ISM1: variants seen among roughly 807,000 people sequenced by gnomAD.
ISM1 encodes the protein isthmin 1.
In ISM1, 25 loss-of-function variants were observed where a neutral mutation model predicts 46.3. The observed-to-expected ratio is 0.54, with a 90% CI of 0.39 to 0.75. ISM1 has a LOEUF of 0.75. Among genes scored for constraint, ISM1 ranks in the 30% least tolerant of loss-of-function variants. The pLI is 0.00. For missense variants in ISM1, 536 were observed against 625.4 expected (o/e 0.86, Z 1.52); for synonymous variants, 255 against 256.7 (o/e 0.99, Z 0.06).
chr20:13,279,369 C>G (rs1413345675), intron 2 of ISM1, among the ~76,000 whole-genome samples: 2 of 152,146 alleles, frequency 1.3e-5, no homozygotes, highest in Non-Finnish European at 2.9e-5. Flanking sequence ...TTGTTTCCAG[C>G]TATTAAGTTT....
intron 1 of ISM1, chr20:13,239,790 C>A (rs2039696891): frequency 6.6e-6 from 1 of 152,166 alleles, no homozygotes; most frequent in Admixed American, 6.5e-5. Context: ...AATCTAAAAC[C>A]TGGAGAAATT....
chr20:13,226,168 C>T (rs906892373), intron 1 of ISM1, among the ~76,000 whole-genome samples: 2 of 143,692 alleles, frequency 1.4e-5, no homozygotes, highest in African/African-American at 5.2e-5. Context: ...TGTCTTTGTT[C>T]TCTGTTTCCT....
chr20:13,273,544 A>T (rs1319421759), intron 2 of ISM1, among the ~76,000 whole-genome samples: 3 of 152,160 alleles, frequency 2.0e-5, no homozygotes, highest in African/African-American at 7.2e-5. Context: ...CCTGTCTTTT[A>T]AAAATATTAC....
At chr20:13,315,544 C>T in the ISM1 span, among the ~76,000 whole-genome samples, 3 of 151,952 alleles carry the variant, frequency 2.0e-5, no homozygotes, top group Non-Finnish European at 2.9e-5. Flanking sequence ...GAGAAAGAAA[C>T]TAATAGACTG....
intron 1 of ISM1, among the ~76,000 whole-genome samples, chr20:13,257,643 A>G (rs890079964): frequency 4.6e-5 from 7 of 152,128 alleles, no homozygotes; most frequent in African/African-American, 1.4e-4. Context: ...GATTAACCCT[A>G]AAAAGTCATT....
rs199857179 is a variant in ISM1, at chr20:13,246,937, A to AAT, written c.139-23558_139-23557dup. Among the ~76,000 whole-genome samples, 583 of 151,600 alleles carry AAT rather than the reference A, an allele frequency of 3.8e-3. 5 individuals are homozygous for AAT. The highest frequency in any genetic ancestry group is 0.017 in the Middle Eastern group (5 of 294). On this transcript the variant is annotated intron_variant, in intron 1 of 5. Transcript: ENST00000262487. ...GAAGGGAGCAAGACAGAGATTTAAA[A>AAT]ATATATATATGTATAGTGCCGGGCC...
At chr20:13,313,884 T>C in the ISM1 span, among the ~76,000 whole-genome samples, 4 of 152,132 alleles carry the variant, frequency 2.6e-5, no homozygotes, top group Admixed American at 2.6e-4. Flanking sequence ...TGAATAAAGT[T>C]GGCAACATGC....
chr20:13,253,422 C>A (rs2039889313), intron 1 of ISM1, among the ~76,000 whole-genome samples: 1 of 152,134 alleles, frequency 6.6e-6, no homozygotes, highest in Non-Finnish European at 1.5e-5. Flanking sequence ...TGTGCTTTTC[C>A]AAGATAAAAG....
chr20:13,270,316 T>G (rs138596284), intron 1 of ISM1, among the ~76,000 whole-genome samples, 188 bp from the exon 2 acceptor site: 1 of 152,224 alleles, frequency 6.6e-6, no homozygotes, highest in South Asian at 2.1e-4. Flanking sequence ...CTAGAAGTTT[T>G]CTGATGATCT....
At chr20:13,250,200 G>A (rs906383144) in intron 1 of ISM1, among the ~76,000 whole-genome samples, 1 of 152,130 alleles carries the variant, frequency 6.6e-6, no homozygotes. Context: ...GGATTTCTGG[G>A]ATGGCCTAGG....
chr20:13,236,833 C>CA (rs2039655447), intron 1 of ISM1, among the ~76,000 whole-genome samples: 3 of 152,218 alleles, frequency 2.0e-5, no homozygotes, highest in African/African-American at 7.2e-5. Context: ...GACACTGATG[C>CA]AAGAGGTGGG....
the ISM1 span, among the ~76,000 whole-genome samples, chr20:13,311,201 A>G: frequency 2.8e-5 from 4 of 140,518 alleles, no homozygotes; most frequent in African/African-American, 1.0e-4. Context: ...TCTCAAAAAA[A>G]TAGATATAGA....
chr20:13,249,349 G>C (rs927456327), intron 1 of ISM1, among the ~76,000 whole-genome samples: 17 of 152,170 alleles, frequency 1.1e-4, no homozygotes, highest in Non-Finnish European at 1.8e-4. Context: ...CCCACCCCTA[G>C]TTCTGCCAGC....
chr20:13,297,867 G>C (rs531852220), intron 5 of ISM1, among the ~76,000 whole-genome samples: 30 of 152,222 alleles, frequency 2.0e-4, no homozygotes, highest in African/African-American at 6.5e-4. Flanking sequence ...CAGGTCACTG[G>C]CCTGTGACCC....
intron 1 of ISM1, among the ~76,000 whole-genome samples, chr20:13,231,943 A>C (rs1280871492): frequency 6.6e-6 from 1 of 152,220 alleles, no homozygotes; most frequent in East Asian, 1.9e-4. Context: ...CAAAAATAAC[A>C]AAGTATGTCC....
the ISM1 span, among the ~76,000 whole-genome samples, chr20:13,309,868 G>A: frequency 6.6e-6 from 1 of 151,856 alleles, no homozygotes; most frequent in African/African-American, 2.4e-5. Context: ...AACTAAGGAT[G>A]AATACATTTA....
Position 13,269,193 on chromosome 20 carries a change from C to G in ISM1, c.139-1311C>G, listed in dbSNP as rs145685406. Among the ~76,000 whole-genome samples the G allele has an allele frequency of 3.3e-5, 5 of 152,252 alleles. No individual in the cohort carries two copies. In the East Asian group the frequency reaches 9.7e-4, roughly 29 times the overall value. On this transcript the variant is annotated intron_variant, in intron 1 of 5. Coordinates refer to ENST00000262487, the MANE Select transcript of ISM1 (RefSeq NM_080826.2). Reference sequence around the variant, plus strand: ...AAGAACATTAACCACTGACCCAAAGCCTGGTGAAATTCTATCTCCTTGTCT... The same window carrying G: ...AAGAACATTAACCACTGACCCAAAGGCTGGTGAAATTCTATCTCCTTGTCT...
At chr20:13,290,668 A>G (rs887506244) in intron 4 of ISM1, among the ~76,000 whole-genome samples, 1 of 152,212 alleles carries the variant, frequency 6.6e-6, no homozygotes, top group South Asian at 2.1e-4. Flanking sequence ...AAAACAAAAA[A>G]AGAAAGAAAG....
intron 1 of ISM1, among the ~76,000 whole-genome samples, chr20:13,225,151 C>T (rs2039507677): frequency 6.6e-6 from 1 of 152,102 alleles, no homozygotes; most frequent in African/African-American, 2.4e-5. Flanking sequence ...CCGCGCCCGG[C>T]CCATACTAGC....
Sources: gnomAD v4.1 joint callset for allele counts (sites outside exome capture counted in the v4.1 genomes callset) on GRCh38, gnomAD v4.1.1 for gene constraint, MANE v1.5 for transcripts, NCBI Gene and HGNC (gene_info 2026-07-23, HGNC 2026-07-21) for gene names.